Variants in GPR108 observed in about 807,000 individuals in gnomAD.
GPR108 encodes the protein protein GPR108.
In GPR108, 60 loss-of-function variants were observed where a neutral mutation model predicts 74.3. The ratio of observed to expected loss-of-function variants is 0.81; its 90% CI spans 0.66 to 1.00. The LOEUF (loss-of-function observed/expected upper bound fraction) is 1.00. Among genes scored for constraint, GPR108 ranks in the 50% least tolerant of loss-of-function variants. GPR108 has a pLI of 0.00. For synonymous variants in GPR108, 311 were observed against 292.4 expected (o/e 1.06, Z -0.65); for missense variants, 667 against 703.3 (o/e 0.95, Z 0.58).
At chr19:6,735,093 T>C (rs566615549) in intron 4 of GPR108, among the ~76,000 whole-genome samples, 5 of 150,094 alleles carry the variant, frequency 3.3e-5, no homozygotes, top group Admixed American at 2.6e-4. Context: ...GGTTTTGCCA[T>C]GTTGCCCAGG....
Position 6,731,065 on chromosome 19 carries a change from T to G in GPR108, c.1481A>C (p.Tyr494Ser), listed in dbSNP as rs201658246. 4 of 1,613,516 alleles carry G rather than the reference T, an allele frequency of 2.5e-6. No individual in the cohort carries two copies. The highest frequency in any genetic ancestry group is 3.4e-6 in the Non-Finnish European group (4 of 1,179,828). The stretch of plus-strand genomic sequence containing the variant: ...GTTGTTTCCTGTGGGCTGGAACTTG[T>G]AGCCCGTGAGCACGAAGAAGGCCAG... ...STLAFFVLTG[Y>S]KFQPTGNNPY... The change falls in exon 17 of 18, where the codon TAC becomes TCC. Residue 494 changes from tyrosine to serine, a missense_variant. By Grantham distance (144) the Tyr-to-Ser change is moderately radical (BLOSUM62 -2). Coordinates refer to ENST00000264080, the MANE Select transcript of GPR108 (RefSeq NM_001080452.2).
intron 2 of GPR108, 126 bp from the exon 3 acceptor site, chr19:6,736,084 C>T (rs1415976050): frequency 7.4e-6 from 6 of 809,044 alleles, no homozygotes; most frequent in African/African-American, 1.7e-5. Flanking sequence ...AGATCCCACA[C>T]GCTCTTTTTC....
rs765769548 is a variant in GPR108, at chr19:6,731,250, G to A, written c.1383C>T (p.Ile461=). Residue 461 remains isoleucine (I), a synonymous_variant, in exon 16 of 18, where the codon ATC becomes ATT. Coordinates refer to ENST00000264080, the MANE Select transcript of GPR108 (RefSeq NM_001080452.2). Reference sequence around the variant, plus strand: ...GCACAGCCACCTGCAGCAGGATGGCGATGATGCGGGTGAAGTAGACGTAGC... The same window carrying A: ...GCACAGCCACCTGCAGCAGGATGGCAATGATGCGGGTGAAGTAGACGTAGC... The part of the protein sequence containing the change: ...VICYVYFTRI[I]AILLQVAVPF... The A allele has an allele frequency of 5.9e-5, 92 of 1,560,110 alleles. No individual in the cohort carries two copies. Among genetic ancestry groups the A allele is most frequent in the Non-Finnish European group, 7.4e-5 (85 of 1,150,636 alleles).
rs1162111448 is a variant in GPR108, at chr19:6,736,675, C to G, written c.157G>C (p.Gly53Arg). The change falls in exon 2 of 18, where the codon GGT becomes CGT. Residue 53 changes from glycine to arginine, a missense_variant. By Grantham distance (125) the Gly-to-Arg change is moderately radical (BLOSUM62 -2). Coordinates refer to ENST00000264080, the MANE Select transcript of GPR108 (RefSeq NM_001080452.2). ...TCCAGAGAGCCATTGGTGTAGAAACCGAAGCTGTTCAGCTGGATGTCCGCT... is the reference window on the plus strand; with the variant it reads ...TCCAGAGAGCCATTGGTGTAGAAACGGAAGCTGTTCAGCTGGATGTCCGCT... The part of the protein sequence containing the change: ...KRADIQLNSF[G>R]FYTNGSLEVE... 5.6e-6 allele frequency: 9 copies of G among 1,613,978 alleles called. No individual in the cohort carries two copies. The Admixed American group carries it at 1.5e-4, about 27-fold the overall frequency.
Position 6,735,693 on chromosome 19 carries a change from G to C in GPR108, c.303C>G (p.Phe101Leu). 6.2e-7 allele frequency: 1 copy of C among 1,614,048 alleles called. No homozygotes were observed. Among genetic ancestry groups the C allele is most frequent in the Non-Finnish European group, 8.5e-7 (1 of 1,180,008 alleles). The change falls in exon 4 of 18, where the codon TTC (phenylalanine) becomes TTG (leucine). Residue 101 changes from phenylalanine to leucine, a missense_variant. Transcript: ENST00000264080. ...TGTTTTTCTGGAGAGGGCAGTCCTGGAAATCCCGGGTCTGGGGGGTGGGCA... is the reference window on the plus strand; with the variant it reads ...TGTTTTTCTGGAGAGGGCAGTCCTGCAAATCCCGGGTCTGGGGGGTGGGCA... ...GRVRSYSTRD[F>L]QDCPLQKNSS...
chr19:6,732,909 G>C, intron 10 of GPR108, 78 bp downstream of exon 10: 1 of 1,327,098 alleles, frequency 7.5e-7, no homozygotes, highest in South Asian at 1.3e-5. Flanking sequence ...ACAGGCCCAG[G>C]GTCTGCAGAG....
In GPR108 at chr19:6,732,013, C is replaced by T. The variant is rs1335789711; in HGVS notation, c.1256+12G>A. On this transcript the variant is annotated intron_variant, in intron 13 of 17. Coordinates refer to ENST00000264080, the MANE Select transcript of GPR108 (RefSeq NM_001080452.2). ...ACAGGGCAGAGCCTCAGCCCGGGGG[C>T]AGGGTCCTCACCAGACTACGGGGAA... The T allele has an allele frequency of 3.1e-6, 5 of 1,613,752 alleles. No homozygotes were observed. Among genetic ancestry groups the T allele is most frequent in the Non-Finnish European group, 4.2e-6 (5 of 1,179,960 alleles).
Position 6,734,016 on chromosome 19 carries a change from C to T in GPR108, c.538G>A (p.Ala180Thr), listed in dbSNP as rs369806355. The stretch of plus-strand genomic sequence containing the variant: ...CGCCTCCCCGAAACCTGAATCACTG[C>T]GGGTGTTGACTTGGGCTTGCTGGCT... ...SAASKPKSTP[A>T]VIQGPSGKDK... The change falls in exon 6 of 18, where the codon GCA becomes ACA. Residue 180 changes from alanine to threonine, a missense_variant. Coordinates refer to ENST00000264080, the MANE Select transcript of GPR108 (RefSeq NM_001080452.2). The T allele has an allele frequency of 5.0e-6, 8 of 1,614,146 alleles. No homozygotes were observed. Among genetic ancestry groups the T allele is most frequent in the Middle Eastern group, 1.6e-4 (1 of 6,062 alleles).
Position 6,730,239 on chromosome 19 carries a change from T to TC in GPR108, c.*72_*73insG. The TC allele has an allele frequency of 7.1e-7, 1 of 1,401,340 alleles. No homozygotes were observed. The highest frequency in any genetic ancestry group is 1.7e-5 in the Admixed American group (1 of 59,554). 86.8% of individuals were successfully genotyped at this position (1,401,340 alleles called of 1,614,324 possible). A position where few individuals can be genotyped will look rare whatever the true frequency, so the allele number is the denominator to read the frequency against. ...CATGGACCCCCTCCACCTCCCCACA[T>TC]ACGCTGTGGAAGAAGGGCAGGAGTG... On this transcript the variant is annotated 3_prime_UTR_variant, in exon 18 of 18. Transcript: ENST00000264080.
At chr19:6,736,100 T>G in intron 2 of GPR108, 142 bp from the exon 3 acceptor site, 1 of 748,482 alleles carries the variant, frequency 1.3e-6, no homozygotes, top group Non-Finnish European at 2.2e-6. Context: ...TTTTCTTTTT[T>G]AGAGTTGGGG....
chr19:6,733,361 AGCAGC>A (rs1968501607), intron 8 of GPR108, 60 bp from the exon 9 acceptor site: 4 of 1,550,734 alleles, frequency 2.6e-6, no homozygotes, highest in Middle Eastern at 1.7e-4. Context: ...GGCCTGGGAG[AGCAGC>A]GAGTGGGGGT....
chr19:6,734,029 G>T lies in GPR108; in HGVS notation c.525C>A (p.Pro175=), dbSNP rs1029863739. ...DGGGTSAASK[P]KSTPAVIQGP... The stretch of plus-strand genomic sequence containing the variant: ...CCTGAATCACTGCGGGTGTTGACTT[G>T]GGCTTGCTGGCTGCAGAGGTCCCTC... Residue 175 remains proline, a synonymous_variant, in exon 6 of 18, where the codon CCC becomes CCA. Transcript: ENST00000264080. 1 of 1,614,194 alleles carries T rather than the reference G, an allele frequency of 6.2e-7. No individual in the cohort carries two copies. Among genetic ancestry groups the T allele is most frequent in the South Asian group, 1.1e-5 (1 of 91,088 alleles).
In GPR108 at chr19:6,732,089, A is replaced by G; in HGVS notation, c.1192T>C (p.Trp398Arg). The G allele has an allele frequency of 3.1e-6, 5 of 1,613,984 alleles. No homozygotes were observed. Among genetic ancestry groups the G allele is most frequent in the Non-Finnish European group, 4.2e-6 (5 of 1,180,008 alleles). The change falls in exon 13 of 18, where the codon TGG becomes CGG. Residue 398 changes from tryptophan to arginine, a missense_variant. Trp to Arg is a moderately radical substitution (Grantham distance 101, BLOSUM62 -3). Coordinates refer to ENST00000264080, the MANE Select transcript of GPR108 (RefSeq NM_001080452.2). Reference protein sequence around the residue: ...REEGASDYVLWKEILFLVDLI... With the variant: ...REEGASDYVLRKEILFLVDLI... ...TCCACCAGGAACAAAATCTCCTTCC[A>G]CAGCACGTAGTCGCTGGCGCCTTCC...
At chr19:6,735,788 G>T in intron 3 of GPR108, 84 bp from the exon 4 acceptor site, 1 of 1,533,282 alleles carries the variant, frequency 6.5e-7, no homozygotes, top group Non-Finnish European at 8.9e-7. Flanking sequence ...GTCCACCCAC[G>T]GGATCTTCCT....
In GPR108 at chr19:6,731,088, C is replaced by G. The variant is rs1461866605; in HGVS notation, c.1458G>C (p.Leu486=). The change falls in exon 17 of 18, where the codon CTG becomes CTC. Residue 486 remains leucine (L), a synonymous_variant. Transcript: ENST00000264080. The part of the protein sequence containing the change: ...LYQLLVEGST[L]AFFVLTGYKF... Reference sequence around the variant, plus strand: ...TGTAGCCCGTGAGCACGAAGAAGGCCAGGGTGGAGCCCTCCACCAAGAGCT... The same window carrying G: ...TGTAGCCCGTGAGCACGAAGAAGGCGAGGGTGGAGCCCTCCACCAAGAGCT... The G allele has an allele frequency of 6.2e-7, 1 of 1,613,302 alleles. No individual in the cohort carries two copies. The highest frequency in any genetic ancestry group is 1.7e-5 in the Admixed American group (1 of 59,980).
rs371826464 is a variant in GPR108 at position 6,733,633 on chromosome 19, G to A, written c.660C>T (p.Tyr220=). The A allele has an allele frequency of 6.2e-7, 1 of 1,614,184 alleles. No homozygotes were observed. The highest frequency in any genetic ancestry group is 8.5e-7 in the Non-Finnish European group (1 of 1,180,020). ...TGTTGCAGTTGTGGAAGTTCAGGCT[G>A]TACTGGCCTTCTTCCGCCTGAGAGC... The part of the protein sequence containing the change: ...VIGSQAEEGQ[Y]SLNFHNCNNS... The change falls in exon 8 of 18, where the codon TAC becomes TAT. Residue 220 remains tyrosine (Y), a synonymous_variant. Coordinates refer to ENST00000264080, the MANE Select transcript of GPR108 (RefSeq NM_001080452.2).
chr19:6,736,549 T>C lies in GPR108; in HGVS notation c.240+43A>G, dbSNP rs1968641599. 10 of 1,586,536 alleles carry C rather than the reference T, an allele frequency of 6.3e-6. No individual in the cohort carries two copies. In the East Asian group the frequency reaches 2.1e-4, roughly 33 times the overall value. On this transcript the variant is annotated intron_variant, in intron 2 of 17. Transcript: ENST00000264080. ...GAGCTGGGAACCCAGAACCGGGGGA[T>C]TGCACCGTGCTCTCCTCCAGCAAAC...
Position 6,732,328 on chromosome 19 carries a change from C to A in GPR108, c.1060G>T (p.Ala354Ser). The A allele has an allele frequency of 1.2e-6, 2 of 1,613,378 alleles. No homozygotes were observed. Among genetic ancestry groups the A allele is most frequent in the South Asian group, 1.1e-5 (1 of 91,090 alleles). Residue 354 changes from alanine to serine, a missense_variant, in exon 12 of 18, where the codon GCC becomes TCC. Transcript: ENST00000264080. ...ITIALIGSGW[A>S]FIKYVLSDKE... ...TCCGACAGGACGTACTTGATGAAGG[C>A]CCAGCCTGAGCCAATCAGGGCGATG...
In GPR108 at chr19:6,736,591, C is replaced by A; in HGVS notation, c.240+1G>T. On this transcript the variant is annotated splice_donor_variant, in intron 2 of 17. Transcript: ENST00000264080. LOFTEE classifies it high-confidence loss of function. ...CCAGCAAACTCCTCAAGGTCCCTCA[C>A]CAGCAGGGACTTCTCTTCTGCCTCC... The A allele has an allele frequency of 3.1e-6, 5 of 1,613,368 alleles. No homozygotes were observed. Among genetic ancestry groups the A allele is most frequent in the Non-Finnish European group, 4.2e-6 (5 of 1,179,680 alleles).
Sources: allele counts gnomAD v4.1 joint callset (sites outside exome capture counted in the v4.1 genomes callset), GRCh38; gene constraint gnomAD v4.1.1; transcripts MANE v1.5; gene names NCBI Gene and HGNC (gene_info 2026-07-23, HGNC 2026-07-21).